The following STK32B variants were observed in gnomAD, a reference collection of about 807,000 sequenced individuals.
STK32B encodes the protein serine/threonine-protein kinase 32B.
Under a neutral mutation model 52.6 loss-of-function variants are expected in STK32B, and 43 were observed. That is an observed-to-expected ratio of 0.82 (90% CI 0.64 to 1.05). STK32B has a LOEUF of 1.05. Among genes scored for constraint, STK32B ranks in the 50% least tolerant of loss-of-function variants. STK32B has a pLI of 0.00. For missense variants in STK32B, 621 were observed against 534.6 expected, an observed-to-expected ratio of 1.16 and a Z score of -1.59; for synonymous variants, 238 against 204.3, an observed-to-expected ratio of 1.17 and a Z score of -1.41.
intron 2 of STK32B, among the ~76,000 whole-genome samples, chr4:5,152,946 G>A (rs7672067): frequency 0.82 from 124,377 of 152,224 alleles, 51,000 homozygotes; most frequent in East Asian, 0.93. Flanking sequence ...GAAACTAACA[G>A]TGATGGTCCT....
Position 5,386,201 on chromosome 4 carries a change from C to G in STK32B, c.435-12006C>G, listed in dbSNP as rs533144422. ...CTCTCACACAGCACCCTCACTCTCC[C>G]CCTCTATTTCCCTCAGCGTATCATA... On this transcript the variant is annotated intron_variant, in intron 4 of 11. Transcript: ENST00000282908. The surrounding 1 kb of genome is among the most constrained non-coding windows in gnomAD (Gnocchi z 4.5). Among the ~76,000 whole-genome samples the G allele has an allele frequency of 2.6e-5, 4 of 152,034 alleles. No homozygotes were observed. The highest frequency in any genetic ancestry group is 7.2e-5 in the African/African-American group (3 of 41,382).
intron 6 of STK32B, among the ~76,000 whole-genome samples, chr4:5,436,866 T>C (rs1714130529): frequency 6.6e-6 from 1 of 151,780 alleles, no homozygotes; most frequent in African/African-American, 2.4e-5. Flanking sequence ...ACACGATGAG[T>C]TTCAAGGGAC....
Position 5,412,506 on chromosome 4 carries a change from A to T in STK32B, c.473-4339A>T, listed in dbSNP as rs115866103. 4.0e-3 allele frequency among the ~76,000 whole-genome samples: 607 copies of T among 152,200 alleles called. 2 individuals carry two copies. Among genetic ancestry groups the T allele is most frequent in the African/African-American group, 0.013 (537 of 41,522 alleles). On this transcript the variant is annotated intron_variant, in intron 5 of 11. Coordinates refer to ENST00000282908, the MANE Select transcript of STK32B (RefSeq NM_018401.3). Reference sequence around the variant, plus strand: ...GAAGCAGCATGTCTGTTCCAGAGCAACCCTGAAGGCCAGGAGGTAACGAGA... The same window carrying T: ...GAAGCAGCATGTCTGTTCCAGAGCATCCCTGAAGGCCAGGAGGTAACGAGA...
intron 3 of STK32B, among the ~76,000 whole-genome samples, chr4:5,250,470 G>A (rs185218796): frequency 2.0e-5 from 3 of 151,902 alleles, no homozygotes; most frequent in South Asian, 2.1e-4. Flanking sequence ...GTATCACTAC[G>A]CTTGGCTAAT....
intron 1 of STK32B, among the ~76,000 whole-genome samples, chr4:5,074,647 TTAGC>T (rs924003253): frequency 2.9e-4 from 44 of 152,268 alleles, no homozygotes; most frequent in African/African-American, 9.1e-4. Flanking sequence ...ACAATAAATA[TTAGC>T]TAGCATTATC....
chr4:5,141,964 T>TC, intron 2 of STK32B, among the ~76,000 whole-genome samples: 1 of 152,232 alleles, frequency 6.6e-6, no homozygotes, highest in Non-Finnish European at 1.5e-5. Flanking sequence ...CCCTGGAACC[T>TC]CCCCAACCAA....
intron 2 of STK32B, among the ~76,000 whole-genome samples, chr4:5,149,830 G>A (rs527866420): frequency 1.3e-5 from 2 of 151,866 alleles, no homozygotes; most frequent in South Asian, 2.1e-4. Context: ...ATATTTTTAA[G>A]GAAAATCTAG....
intron 2 of STK32B, among the ~76,000 whole-genome samples, chr4:5,146,197 C>T (rs963642404): frequency 3.3e-5 from 5 of 152,108 alleles, no homozygotes; most frequent in Non-Finnish European, 5.9e-5. Context: ...AGAATTGCCT[C>T]ACATGATCAC....
rs1405119183 is a variant in STK32B, at chr4:5,380,372, C to T, written c.435-17835C>T. Among the ~76,000 whole-genome samples, 1 of 152,144 alleles carries T rather than the reference C, an allele frequency of 6.6e-6. No homozygotes were observed. The highest frequency in any genetic ancestry group is 1.9e-4 in the East Asian group (1 of 5,186). ...GAGAATGCAAAAGGCCAGGCTTCTG[C>T]ATTTAAAATTATACTATGAAATAGA... is the stretch of plus-strand genomic sequence containing the variant. On this transcript the variant is annotated intron_variant, in intron 4 of 11. Coordinates refer to ENST00000282908, the MANE Select transcript of STK32B (RefSeq NM_018401.3). The surrounding 1 kb of genome is among the most constrained non-coding windows in gnomAD (Gnocchi z 4.3).
chr4:5,262,982 A>G (rs940780293), intron 3 of STK32B, among the ~76,000 whole-genome samples: 1 of 152,122 alleles, frequency 6.6e-6, no homozygotes, highest in Admixed American at 6.6e-5. Flanking sequence ...TATCCCCTGA[A>G]GCCTCCCCTG....
intron 1 of STK32B, among the ~76,000 whole-genome samples, chr4:5,122,708 T>A (rs1483729462): frequency 6.6e-6 from 1 of 152,218 alleles, no homozygotes; most frequent in African/African-American, 2.4e-5. Context: ...CAGCTGTTCC[T>A]TTGCCAACGC....
In STK32B at chr4:5,460,068, C is replaced by T; in HGVS notation, c.784-35C>T. On this transcript the variant is annotated intron_variant, in intron 8 of 11. Transcript: ENST00000282908. This position sits in a 1 kb window ranked among gnomAD's most constrained non-coding sequence, Gnocchi z 4.8. ...GTCCCCGCTAACCTTGAGGGATGCC[C>T]AATTCATGGAAACTCATTTGCCCTC... 6.2e-7 allele frequency: 1 copy of T among 1,614,164 alleles called. No individual in the cohort carries two copies.
intron 4 of STK32B, among the ~76,000 whole-genome samples, chr4:5,393,281 ATGTGCCTGGCCC>A (rs989668840): frequency 2.6e-5 from 4 of 152,070 alleles, no homozygotes; most frequent in Admixed American, 2.0e-4. Context: ...GCACCTTTCC[ATGTGCCTGGCCC>A]TGTGCTGGTT....
chr4:5,336,038 G>T (rs1732657323), intron 4 of STK32B, among the ~76,000 whole-genome samples: 1 of 150,716 alleles, frequency 6.6e-6, no homozygotes, highest in South Asian at 2.1e-4. Flanking sequence ...AGGTTATTCT[G>T]CTAATGAGGG....
In STK32B at chr4:5,231,655, GAAAA is replaced by G. The variant is rs1171710056; in HGVS notation, c.260+63207_260+63210del. Among the ~76,000 whole-genome samples the G allele has an allele frequency of 6.6e-5, 10 of 152,048 alleles. 1 individual carries two copies. The South Asian group carries it at 1.7e-3, about 26-fold the overall frequency. ...CAAAACAAACAAAAAACAAAGAAAAGAAAAAGAAAGAGTAGTTCTCAATGGGATA... is the reference window on the plus strand; with the variant it reads ...CAAAACAAACAAAAAACAAAGAAAAGAGAAAGAGTAGTTCTCAATGGGATA... On this transcript the variant is annotated intron_variant, in intron 3 of 11. Coordinates refer to ENST00000282908, the MANE Select transcript of STK32B (RefSeq NM_018401.3).
intron 2 of STK32B, among the ~76,000 whole-genome samples, chr4:5,159,600 T>TC (rs1560185881): frequency 1.1e-5 from 1 of 92,716 alleles, no homozygotes; most frequent in Non-Finnish European, 1.9e-5. Flanking sequence ...TATATATGAA[T>TC]ATATATATGA....
chr4:5,416,180 C>G (rs1406282406), intron 5 of STK32B, among the ~76,000 whole-genome samples: 3 of 152,124 alleles, frequency 2.0e-5, no homozygotes, highest in African/African-American at 7.2e-5. Flanking sequence ...TTTCCTTCCT[C>G]CCTGTCCCCT....
intron 1 of STK32B, among the ~76,000 whole-genome samples, chr4:5,127,651 A>G (rs955846150): frequency 2.6e-5 from 4 of 152,272 alleles, no homozygotes; most frequent in African/African-American, 7.2e-5. Flanking sequence ...GAAAACAGAG[A>G]CAGACACATA....
chr4:5,042,921 A>C, the STK32B span, among the ~76,000 whole-genome samples: 5 of 151,576 alleles, frequency 3.3e-5, no homozygotes, highest in African/African-American at 1.2e-4. Context: ...CCTGGCTAAC[A>C]AGGTGAAACC....
Sources: gnomAD v4.1 joint callset for allele counts (sites outside exome capture counted in the v4.1 genomes callset) on GRCh38, gnomAD v4.1.1 for gene constraint, Gnocchi (gnomAD v3.1) non-coding constraint, MANE v1.5 for transcripts, NCBI Gene and HGNC (gene_info 2026-07-23, HGNC 2026-07-21) for gene names.